LRRTM4: variants seen among roughly 807,000 people sequenced by gnomAD.
LRRTM4 encodes leucine-rich repeat transmembrane neuronal protein 4.
LRRTM4 carries 25 observed loss-of-function variants against 47.6 expected under a neutral mutation model. The observed-to-expected ratio is 0.53, with a 90% CI of 0.38 to 0.73. The LOEUF (loss-of-function observed/expected upper bound fraction) is 0.73. LRRTM4 is among the 30% of genes least tolerant of loss of function. The pLI is 0.00. For missense variants in LRRTM4, 638 were observed against 713.4 expected (o/e 0.89, Z 1.20); for synonymous variants, 311 against 269.5 (o/e 1.15, Z -1.51).
chr2:77,118,340 A>T (rs1224169096), intron 3 of LRRTM4, among the ~76,000 whole-genome samples: 1 of 151,934 alleles, frequency 6.6e-6, no homozygotes, highest in Non-Finnish European at 1.5e-5. Flanking sequence ...AAACTCAGAA[A>T]AGTATCTACT....
intron 3 of LRRTM4, among the ~76,000 whole-genome samples, chr2:77,064,914 C>T (rs920320473): frequency 6.6e-6 from 1 of 152,084 alleles, no homozygotes; most frequent in African/African-American, 2.4e-5. Flanking sequence ...GAAGACATCT[C>T]CTACATTCTG....
chr2:77,473,888 C>A (rs1677281674), intron 3 of LRRTM4, among the ~76,000 whole-genome samples: 1 of 152,118 alleles, frequency 6.6e-6, no homozygotes, highest in South Asian at 2.1e-4. Context: ...TCAAGCCAAG[C>A]CCGCTTGTAC....
chr2:77,045,437 A>T (rs1301937713), intron 3 of LRRTM4, among the ~76,000 whole-genome samples: 1 of 151,918 alleles, frequency 6.6e-6, no homozygotes, highest in East Asian at 1.9e-4. Context: ...TTTAAAACAA[A>T]TATGGAGATA....
At chr2:77,419,846 C>A (rs1674801504) in intron 3 of LRRTM4, among the ~76,000 whole-genome samples, 2 of 152,030 alleles carry the variant, frequency 1.3e-5, no homozygotes, top group Non-Finnish European at 2.9e-5. Context: ...GACCAGATGC[C>A]TTCCAGAAAT....
chr2:76,795,973 C>A (rs113658473), intron 3 of LRRTM4, among the ~76,000 whole-genome samples: 7 of 146,114 alleles, frequency 4.8e-5, no homozygotes, highest in East Asian at 2.2e-4. Flanking sequence ...ATGTGCGAGC[C>A]GAAGCAGGGC....
chr2:77,167,247 A>G (rs1558615172), intron 3 of LRRTM4, among the ~76,000 whole-genome samples: 1 of 152,210 alleles, frequency 6.6e-6, no homozygotes, highest in Admixed American at 6.5e-5. Flanking sequence ...CAAAACCACA[A>G]TGAGATACCA....
chr2:77,364,789 C>T (rs1672379003), intron 3 of LRRTM4, among the ~76,000 whole-genome samples: 1 of 151,998 alleles, frequency 6.6e-6, no homozygotes, highest in Admixed American at 6.6e-5. Context: ...CAATCATAAG[C>T]CGAACCCTCT....
At chr2:77,396,777 TA>T (rs1673722048) in intron 3 of LRRTM4, among the ~76,000 whole-genome samples, 1 of 151,922 alleles carries the variant, frequency 6.6e-6, no homozygotes, top group African/African-American at 2.4e-5. Flanking sequence ...CAGACAGCAG[TA>T]AAGTGATTAA....
intron 3 of LRRTM4, among the ~76,000 whole-genome samples, chr2:77,194,642 T>C (rs1487217334): frequency 6.6e-6 from 1 of 152,078 alleles, no homozygotes; most frequent in Non-Finnish European, 1.5e-5. Flanking sequence ...TACAACTGCC[T>C]CCAGAGGAAA....
chr2:77,482,839 T>C (rs1205575023), intron 3 of LRRTM4, among the ~76,000 whole-genome samples: 3 of 152,042 alleles, frequency 2.0e-5, no homozygotes, highest in African/African-American at 7.2e-5. Flanking sequence ...TTCCAACTTA[T>C]TGGCCAGGCG....
intron 3 of LRRTM4, among the ~76,000 whole-genome samples, chr2:77,061,374 A>T (rs1679778826): frequency 6.6e-6 from 1 of 152,104 alleles, no homozygotes; most frequent in African/African-American, 2.4e-5. Flanking sequence ...GTCCACCAAA[A>T]TCTGAAAAAA....
At chr2:76,870,378 T>C (rs978467907) in intron 3 of LRRTM4, among the ~76,000 whole-genome samples, 2 of 152,146 alleles carry the variant, frequency 1.3e-5, no homozygotes, top group Admixed American at 6.6e-5. Context: ...GTAATAATTA[T>C]GTGGGCATAG....
chr2:77,058,500 CTTCT>C (rs143509514), intron 3 of LRRTM4, among the ~76,000 whole-genome samples: 22,652 of 151,862 alleles, frequency 0.15, 1,760 homozygotes, highest in Admixed American at 0.21. Flanking sequence ...CATCTCTTTC[CTTCT>C]TTCTTTCTTC....
chr2:76,946,439 T>C (rs1259248539), intron 3 of LRRTM4, among the ~76,000 whole-genome samples: 1 of 151,834 alleles, frequency 6.6e-6, no homozygotes, highest in African/African-American at 2.4e-5. Context: ...ACATTATTCT[T>C]GCTTTCTTGG....
At chr2:76,830,120 C>T (rs1361249780) in intron 3 of LRRTM4, among the ~76,000 whole-genome samples, 2 of 151,930 alleles carry the variant, frequency 1.3e-5, no homozygotes, top group Non-Finnish European at 2.9e-5. Context: ...TTTTACATGT[C>T]AGAAGTAACA....
At chr2:77,098,894 A>C (rs897880113) in intron 3 of LRRTM4, among the ~76,000 whole-genome samples, 5 of 152,170 alleles carry the variant, frequency 3.3e-5, no homozygotes, top group South Asian at 2.1e-4. Context: ...TAAGTCCACT[A>C]ATAGAGAAAT....
chr2:76,996,865 T>G (rs1480331085), intron 3 of LRRTM4, among the ~76,000 whole-genome samples: 1 of 152,142 alleles, frequency 6.6e-6, no homozygotes, highest in African/African-American at 2.4e-5. Flanking sequence ...TTGCAATCTA[T>G]TTCTTAGAGG....
At chr2:77,144,597 G>A (rs919173060) in intron 3 of LRRTM4, among the ~76,000 whole-genome samples, 20 of 152,276 alleles carry the variant, frequency 1.3e-4, no homozygotes, top group Middle Eastern at 3.4e-3. Flanking sequence ...GCAAATGGAG[G>A]CTAAAGGACC....
rs545039725 is a variant in LRRTM4, at chr2:76,807,471, C to CACAT, written c.1552-58556_1552-58555insATGT. Among the ~76,000 whole-genome samples the CACAT allele has an allele frequency of 8.0e-3, 784 of 97,446 alleles. 19 individuals carry two copies. Among genetic ancestry groups the CACAT allele is most frequent in the African/African-American group, 0.023 (425 of 18,384 alleles). The allele number at this position is 97,446 out of a possible 152,430, so 63.9% of individuals were successfully genotyped here. ...ATATATATATATACATATATATATA[C>CACAT]ATATATATATATATACATATATATA... On this transcript the variant is annotated intron_variant, in intron 3 of 3. Coordinates refer to ENST00000409884, the MANE Select transcript of LRRTM4 (RefSeq NM_001134745.3).
Sources: gnomAD v4.1 joint callset for allele counts (sites outside exome capture counted in the v4.1 genomes callset) on GRCh38, gnomAD v4.1.1 for gene constraint, MANE v1.5 for transcripts, NCBI Gene and HGNC (gene_info 2026-07-23, HGNC 2026-07-21) for gene names.